PELI2: variants seen among roughly 807,000 people sequenced by gnomAD.
The protein encoded by PELI2 is E3 ubiquitin-protein ligase pellino homolog 2.
Under a neutral mutation model 42.3 loss-of-function variants are expected in PELI2, and 23 were observed. The observed-to-expected ratio is 0.54, with a 90% CI of 0.39 to 0.77. PELI2 has a LOEUF of 0.77. Among genes scored for constraint, PELI2 ranks in the 30% least tolerant of loss-of-function variants. The pLI, the probability that PELI2 is intolerant of heterozygous loss-of-function variation, is 0.00. For missense variants in PELI2, 463 were observed against 553.2 expected, an observed-to-expected ratio of 0.84 and a Z score of 1.64; for synonymous variants, 245 against 212.2, an observed-to-expected ratio of 1.15 and a Z score of -1.34.
In PELI2 at chr14:56,297,192, T is replaced by C; in HGVS notation, c.*26T>C. 6.7e-7 allele frequency: 1 copy of C among 1,503,136 alleles called. No individual in the cohort carries two copies. The highest frequency in any genetic ancestry group is 9.1e-7 in the Non-Finnish European group (1 of 1,102,452). The allele number at this position is 1,503,136 out of a possible 1,614,324, so 93.1% of individuals were successfully genotyped here. On this transcript the variant is annotated 3_prime_UTR_variant, in exon 6 of 6. Transcript: ENST00000267460. The stretch of plus-strand genomic sequence containing the variant: ...CGCCCTTGACAGCCATCTACGACTT[T>C]ATTAACAGGTTACTGTGAAGATTTT...
chr14:56,217,101 G>A (rs893281801), intron 2 of PELI2, among the ~76,000 whole-genome samples: 6 of 152,112 alleles, frequency 3.9e-5, no homozygotes, highest in African/African-American at 7.2e-5. Context: ...AGATTTCCTT[G>A]CATTCTTTTG....
chr14:56,227,168 C>T (rs1887387070), intron 2 of PELI2, among the ~76,000 whole-genome samples: 1 of 152,182 alleles, frequency 6.6e-6, no homozygotes, highest in South Asian at 2.1e-4. Flanking sequence ...TTAGGTGGGC[C>T]TGGGCAAGGT....
intron 1 of PELI2, among the ~76,000 whole-genome samples, chr14:56,135,849 C>T (rs895833490): frequency 6.6e-6 from 1 of 152,190 alleles, no homozygotes; most frequent in South Asian, 2.1e-4. Flanking sequence ...TGCTTTTGGA[C>T]TGTGGAAGTT....
chr14:56,143,850 G>T (rs1332434557), intron 1 of PELI2, among the ~76,000 whole-genome samples: 1 of 152,138 alleles, frequency 6.6e-6, no homozygotes, highest in African/African-American at 2.4e-5. Context: ...GTCTCAGCCT[G>T]CAATCAACCA....
intron 2 of PELI2, among the ~76,000 whole-genome samples, chr14:56,251,632 C>G: frequency 6.6e-6 from 1 of 152,136 alleles, no homozygotes; most frequent in South Asian, 2.1e-4. Context: ...GATTCCACAC[C>G]CTGTTTCAGT....
chr14:56,166,879 C>T (rs1182284330), intron 1 of PELI2, among the ~76,000 whole-genome samples: 5 of 152,202 alleles, frequency 3.3e-5, no homozygotes, highest in Non-Finnish European at 1.5e-5. Flanking sequence ...GCTCCATCTC[C>T]TGGGTTCACG....
chr14:56,253,854 C>A (rs538467884), intron 2 of PELI2, among the ~76,000 whole-genome samples: 13 of 152,218 alleles, frequency 8.5e-5, no homozygotes, highest in African/African-American at 2.9e-4. Flanking sequence ...CTTTAAATTT[C>A]ATATGGAACA....
chr14:56,191,272 A>C (rs1885940230), intron 2 of PELI2, among the ~76,000 whole-genome samples: 1 of 152,232 alleles, frequency 6.6e-6, no homozygotes, highest in African/African-American at 2.4e-5. Flanking sequence ...CTTTTTAGGT[A>C]ATTTCATGAA....
intron 1 of PELI2, among the ~76,000 whole-genome samples, chr14:56,165,797 C>A (rs376725301): frequency 1.3e-5 from 2 of 152,076 alleles, no homozygotes; most frequent in Admixed American, 6.5e-5. Context: ...GTTTTTTTCT[C>A]GAAATCAATT....
intron 2 of PELI2, among the ~76,000 whole-genome samples, chr14:56,250,402 T>G (rs1240458985): frequency 6.6e-6 from 1 of 152,086 alleles, no homozygotes; most frequent in East Asian, 1.9e-4. Flanking sequence ...GGGAATTGAC[T>G]CACATCATCA....
chr14:56,269,392 G>T (rs1887207776), intron 2 of PELI2, among the ~76,000 whole-genome samples: 1 of 151,992 alleles, frequency 6.6e-6, no homozygotes, highest in Admixed American at 6.6e-5. Flanking sequence ...GCAATGAGCT[G>T]TGACTGTGCC....
In PELI2 at chr14:56,298,178, A is replaced by G. The variant is rs1005269817; in HGVS notation, c.*1012A>G. Reference sequence around the variant, plus strand: ...CATTGTTGTGCACTCCCTTTTCACCATCTGTCACCTTCCCTTGCAGCTTAA... The same window carrying G: ...CATTGTTGTGCACTCCCTTTTCACCGTCTGTCACCTTCCCTTGCAGCTTAA... On this transcript the variant is annotated 3_prime_UTR_variant, in exon 6 of 6. Transcript: ENST00000267460. 9 of 152,512 alleles carry G rather than the reference A, an allele frequency of 5.9e-5. No individual in the cohort carries two copies. In the East Asian group the frequency reaches 1.4e-3, roughly 23 times the overall value. 9.4% of individuals were successfully genotyped at this position (152,512 alleles called of 1,614,324 possible).
At chr14:56,217,275 C>T (rs565786668) in intron 2 of PELI2, among the ~76,000 whole-genome samples, 3 of 152,298 alleles carry the variant, frequency 2.0e-5, no homozygotes, top group African/African-American at 4.8e-5. Flanking sequence ...TGCAGCCCAG[C>T]GCCCCTGCCC....
At chr14:56,262,192 C>G (rs1888736468) in intron 2 of PELI2, among the ~76,000 whole-genome samples, 1 of 152,224 alleles carries the variant, frequency 6.6e-6, no homozygotes, top group African/African-American at 2.4e-5. Context: ...ATTTGTCTTG[C>G]TTTAGCTAGA....
chr14:56,160,883 AG>A (rs1884734233), intron 1 of PELI2, among the ~76,000 whole-genome samples: 1 of 152,240 alleles, frequency 6.6e-6, no homozygotes, highest in African/African-American at 2.4e-5. Context: ...TCACAGCATC[AG>A]CTAGGAAAAG....
Position 56,279,789 on chromosome 14 carries a change from C to G in PELI2, c.309+12C>G. The G allele has an allele frequency of 1.4e-6, 2 of 1,424,032 alleles. No individual in the cohort carries two copies. The highest frequency in any genetic ancestry group is 1.4e-5 in the African/African-American group (1 of 69,958). The allele number at this position is 1,424,032 out of a possible 1,614,324, so 88.2% of individuals were successfully genotyped here. A position where few individuals can be genotyped will look rare whatever the true frequency, so the allele number is the denominator to read the frequency against. On this transcript the variant is annotated intron_variant, in intron 3 of 5. Transcript: ENST00000267460. ...CGGATATGTTTCAGGTAATATTTTT[C>G]TTTTTTAATAGAAATTTTAGCACGT...
chr14:56,144,157 G>A (rs1009728193), intron 1 of PELI2, among the ~76,000 whole-genome samples: 3 of 151,976 alleles, frequency 2.0e-5, no homozygotes, highest in Non-Finnish European at 4.4e-5. Flanking sequence ...AACTTCTTTC[G>A]TAGACAGTGA....
intron 2 of PELI2, among the ~76,000 whole-genome samples, chr14:56,198,001 CACACACACACA>C (rs1566632207): frequency 3.4e-5 from 5 of 147,688 alleles, no homozygotes; most frequent in Non-Finnish European, 7.5e-5. Context: ...CACACACACA[CACACACACACA>C]CCCACCTCTT....
chr14:56,192,760 T>A (rs186899695), intron 2 of PELI2, among the ~76,000 whole-genome samples: 1 of 152,270 alleles, frequency 6.6e-6, no homozygotes, highest in Admixed American at 6.5e-5. Context: ...AATGAATGAG[T>A]TAATACATGT....
Sources: gnomAD v4.1 joint callset for allele counts (sites outside exome capture counted in the v4.1 genomes callset) on GRCh38, gnomAD v4.1.1 for gene constraint, MANE v1.5 for transcripts, NCBI Gene and HGNC (gene_info 2026-07-23, HGNC 2026-07-21) for gene names.